The following TEKTL1 variants were observed in gnomAD, a reference collection of about 807,000 sequenced individuals.
TEKTL1 encodes tektin like 1.
chr19:15,011,478 C>T, the TEKTL1 span: 2 of 1,233,420 alleles, frequency 1.6e-6, no homozygotes, highest in African/African-American at 3.2e-5. Context: ...CCGGGGAAAT[C>T]CTTTCCATAC....
chr19:15,011,315 A>T, the TEKTL1 span: 1 of 1,521,620 alleles, frequency 6.6e-7, no homozygotes, highest in Non-Finnish European at 8.8e-7. Flanking sequence ...CACCGACCAC[A>T]GGCTCAGCGA....
At chr19:15,013,644 T>C in the TEKTL1 span, 2 of 1,499,636 alleles carry the variant, frequency 1.3e-6, no homozygotes, top group East Asian at 2.3e-5. Context: ...TTCTTAACGA[T>C]GTGAGGGATT....
the TEKTL1 span, among the ~76,000 whole-genome samples, chr19:15,016,949 G>C: frequency 6.6e-6 from 1 of 152,218 alleles, no homozygotes; most frequent in African/African-American, 2.4e-5. Context: ...GCTCACATCT[G>C]TTATCCCAGC....
At chr19:15,011,675 A>C in the TEKTL1 span, among the ~76,000 whole-genome samples, 1 of 150,812 alleles carries the variant, frequency 6.6e-6, no homozygotes, top group Non-Finnish European at 1.5e-5. Context: ...CAGAGGTTGC[A>C]GTGAGCCGAG....
the TEKTL1 span, chr19:15,021,848 G>A: frequency 1.2e-6 from 2 of 1,614,038 alleles, no homozygotes; most frequent in Non-Finnish European, 1.7e-6. Flanking sequence ...AGAAAAGCTG[G>A]ACAGACCCCT....
At chr19:15,011,498 C>A in the TEKTL1 span, 1 of 1,072,290 alleles carries the variant, frequency 9.3e-7, no homozygotes, top group Non-Finnish European at 1.2e-6. Flanking sequence ...CTTTGGGAGG[C>A]CAAGGCTGGT....
chr19:15,014,999 C>T, the TEKTL1 span, among the ~76,000 whole-genome samples: 1 of 152,042 alleles, frequency 6.6e-6, no homozygotes, highest in African/African-American at 2.4e-5. Flanking sequence ...CCAGTCTGAG[C>T]AACATAGCAA....
chr19:15,021,675 T>G, the TEKTL1 span: 1 of 1,614,102 alleles, frequency 6.2e-7, no homozygotes, highest in Admixed American at 1.7e-5. Flanking sequence ...GTACGAAATA[T>G]AACCAAGAGT....
chr19:15,021,846 T>G, the TEKTL1 span: 1 of 1,614,084 alleles, frequency 6.2e-7, no homozygotes. Flanking sequence ...GCAGAAAAGC[T>G]GGACAGACCC....
chr19:15,012,712 G>A, the TEKTL1 span, among the ~76,000 whole-genome samples: 1 of 151,854 alleles, frequency 6.6e-6, no homozygotes, highest in African/African-American at 2.4e-5. Flanking sequence ...GGGAGAGAGG[G>A]TGCAGCCCCT....
At chr19:15,021,308 G>T in the TEKTL1 span, 1 of 1,603,404 alleles carries the variant, frequency 6.2e-7, no homozygotes, top group Non-Finnish European at 8.5e-7. Context: ...GGGGCTCTGG[G>T]AACGGAGGAC....
chr19:15,022,160 C>A, the TEKTL1 span, among the ~76,000 whole-genome samples: 1 of 152,078 alleles, frequency 6.6e-6, no homozygotes, highest in South Asian at 2.1e-4. Context: ...TCACACACAC[C>A]CTCACTGTCC....
chr19:15,020,730 C>T, the TEKTL1 span: 17 of 1,333,992 alleles, frequency 1.3e-5, no homozygotes, highest in East Asian at 2.5e-5. Flanking sequence ...CAGCCCGTCG[C>T]CCACTTAGCT....
chr19:15,020,419 C>A, the TEKTL1 span: 3 of 1,566,870 alleles, frequency 1.9e-6, no homozygotes, highest in Non-Finnish European at 1.8e-6. Flanking sequence ...TTCCCTCAAC[C>A]TCCCAGTTCT....
chr19:15,020,408 C>G, the TEKTL1 span: 15 of 1,512,604 alleles, frequency 9.9e-6, no homozygotes, highest in East Asian at 2.3e-5. Context: ...CTTGCATCCA[C>G]TTCCCTCAAC....
chr19:15,019,636 A>C, the TEKTL1 span, among the ~76,000 whole-genome samples: 1 of 152,194 alleles, frequency 6.6e-6, no homozygotes, highest in Non-Finnish European at 1.5e-5. Context: ...TCTCTCCTAA[A>C]AAAGATTTTG....
At chr19:15,019,001 T>C in the TEKTL1 span, among the ~76,000 whole-genome samples, 43 of 152,138 alleles carry the variant, frequency 2.8e-4, no homozygotes, top group Admixed American at 4.6e-4. Flanking sequence ...CAGGCTACAG[T>C]GCAGTGGTGC....
At chr19:15,012,622 A>G in the TEKTL1 span, among the ~76,000 whole-genome samples, 4 of 152,048 alleles carry the variant, frequency 2.6e-5, no homozygotes, top group South Asian at 8.3e-4. Context: ...CCCAAGACCC[A>G]AAGAGTGAGC....
chr19:15,022,477 C>CCT, the TEKTL1 span, among the ~76,000 whole-genome samples: 2 of 151,776 alleles, frequency 1.3e-5, no homozygotes, highest in African/African-American at 4.8e-5. Context: ...TACAGGTGCG[C>CCT]GCCACCACAC....
Sources: allele counts gnomAD v4.1 joint callset (sites outside exome capture counted in the v4.1 genomes callset), GRCh38; gene constraint gnomAD v4.1.1; transcripts MANE v1.5; gene names NCBI Gene and HGNC (gene_info 2026-07-23, HGNC 2026-07-21).